CXADR: variants seen among roughly 807,000 people sequenced by gnomAD.
The protein encoded by CXADR is CXADR cell adhesion molecule.
In CXADR, 20 loss-of-function variants were observed where a neutral mutation model predicts 40.3. The ratio of observed to expected loss-of-function variants is 0.50; its 90% CI spans 0.35 to 0.72. CXADR has a LOEUF of 0.72. Among genes scored for constraint, CXADR ranks in the 30% least tolerant of loss-of-function variants. The pLI is 0.01. For synonymous variants in CXADR, 150 were observed against 161.3 expected (o/e 0.93, Z 0.53); for missense variants, 332 against 449.1 (o/e 0.74, Z 2.36).
chr21:17,597,365 A>C (rs2061517288), downstream of CXADR, among the ~76,000 whole-genome samples: 1 of 152,062 alleles, frequency 6.6e-6, no homozygotes, highest in Non-Finnish European at 1.5e-5. Context: ...CCTAATTTGC[A>C]ATATATAATC....
downstream of CXADR, among the ~76,000 whole-genome samples, chr21:17,570,930 C>T (rs902506117): frequency 1.3e-5 from 2 of 152,180 alleles, no homozygotes; most frequent in African/African-American, 2.4e-5. Context: ...AATTCTTTGT[C>T]GTAGGGGACT....
intron 7 of CXADR, among the ~76,000 whole-genome samples, chr21:17,578,778 C>T (rs780991906): frequency 5.9e-5 from 9 of 152,148 alleles, no homozygotes; most frequent in Non-Finnish European, 1.0e-4. Flanking sequence ...GCCATGATAG[C>T]GCCACTGCAC....
chr21:17,515,937 C>T (rs2060456874), intron 1 of CXADR, among the ~76,000 whole-genome samples: 1 of 152,224 alleles, frequency 6.6e-6, no homozygotes, highest in Non-Finnish European at 1.5e-5. Flanking sequence ...ATTCCTCCAG[C>T]TCTGAAACAG....
At chr21:17,521,206 G>A (rs2060526225) in intron 1 of CXADR, among the ~76,000 whole-genome samples, 1 of 152,212 alleles carries the variant, frequency 6.6e-6, no homozygotes, top group Non-Finnish European at 1.5e-5. Flanking sequence ...AGGTGTCCTA[G>A]AGAATGATGC....
At chr21:17,521,520 G>A (rs1014064390) in intron 1 of CXADR, among the ~76,000 whole-genome samples, 2 of 152,052 alleles carry the variant, frequency 1.3e-5, no homozygotes, top group South Asian at 2.1e-4. Context: ...ATGGGGCTTC[G>A]CCATGTTGGC....
At chr21:17,520,563 T>C (rs1203091756) in intron 1 of CXADR, among the ~76,000 whole-genome samples, 1 of 152,216 alleles carries the variant, frequency 6.6e-6, no homozygotes, top group Non-Finnish European at 1.5e-5. Flanking sequence ...AAGACATTTG[T>C]GGAAGTGTCG....
At chr21:17,514,647 T>G (rs1310132802) in intron 1 of CXADR, among the ~76,000 whole-genome samples, 1 of 152,014 alleles carries the variant, frequency 6.6e-6, no homozygotes, top group Non-Finnish European at 1.5e-5. Flanking sequence ...CTTTTTTTTT[T>G]TTTTAAATGG....
At chr21:17,618,579 C>T in the CXADR span, among the ~76,000 whole-genome samples, 4 of 152,022 alleles carry the variant, frequency 2.6e-5, no homozygotes, top group East Asian at 5.8e-4. Context: ...GCTCTGTCGC[C>T]CAGGCTGGAG....
chr21:17,597,259 CAATTT>C (rs1387815591), downstream of CXADR, among the ~76,000 whole-genome samples: 1 of 152,000 alleles, frequency 6.6e-6, no homozygotes, highest in African/African-American at 2.4e-5. Context: ...TAGCAGCAAT[CAATTT>C]AATTTGAGAC....
At chr21:17,522,837 A>T (rs1053465703) in intron 1 of CXADR, among the ~76,000 whole-genome samples, 1 of 152,076 alleles carries the variant, frequency 6.6e-6, no homozygotes, top group African/African-American at 2.4e-5. Context: ...AACTTTACCC[A>T]CATCAAAACC....
intron 2 of CXADR, among the ~76,000 whole-genome samples, chr21:17,548,780 T>C (rs2060930859): frequency 6.6e-6 from 1 of 152,164 alleles, no homozygotes; most frequent in Admixed American, 6.5e-5. Flanking sequence ...CCATGCTGAG[T>C]GAGAGGCACG....
chr21:17,614,811 A>G, the CXADR span, among the ~76,000 whole-genome samples: 2 of 152,212 alleles, frequency 1.3e-5, no homozygotes, highest in African/African-American at 2.4e-5. Context: ...TGTCTCTTAA[A>G]CACTTTTTCT....
the CXADR span, among the ~76,000 whole-genome samples, chr21:17,599,664 G>A: frequency 6.6e-6 from 1 of 152,156 alleles, no homozygotes; most frequent in Non-Finnish European, 1.5e-5. Context: ...ATTTTTAGTA[G>A]AGATGAGGTT....
At chr21:17,560,847 G>T in intron 5 of CXADR, 23 bp downstream of exon 5, 3 of 1,611,574 alleles carry the variant, frequency 1.9e-6, no homozygotes, top group Non-Finnish European at 2.5e-6. Context: ...CTTTCTGTTG[G>T]TGGTTTTGTT....
At chr21:17,621,710 A>G in the CXADR span, among the ~76,000 whole-genome samples, 1 of 152,148 alleles carries the variant, frequency 6.6e-6, no homozygotes, top group Non-Finnish European at 1.5e-5. Context: ...CCTCTTCTCT[A>G]GAGGACGCAT....
At chr21:17,577,467 T>C (rs1021901147) in intron 7 of CXADR, among the ~76,000 whole-genome samples, 10 of 152,250 alleles carry the variant, frequency 6.6e-5, no homozygotes, top group Non-Finnish European at 1.5e-4. Flanking sequence ...TTTAATTTTA[T>C]GTCATATGTA....
chr21:17,593,494 T>C lies in CXADR; in HGVS notation c.*301T>C, dbSNP rs1417374410. ...TTAACTTTTCATATGCATATTCTGA[T>C]ATGTGGTCTTTTAGGAAAAGTATGG... On this transcript the variant is annotated 3_prime_UTR_variant, in exon 8 of 8. Coordinates refer to the CXADR transcript ENST00000400169. 2.4e-5 allele frequency: 5 copies of C among 209,086 alleles called. No individual in the cohort carries two copies. In the East Asian group the frequency reaches 5.0e-4, roughly 21 times the overall value. 13.0% of individuals were successfully genotyped at this position (209,086 alleles called of 1,614,324 possible). A position where few individuals can be genotyped will look rare whatever the true frequency, so the allele number is the denominator to read the frequency against.
intron 1 of CXADR, among the ~76,000 whole-genome samples, chr21:17,530,085 A>C (rs2060651805): frequency 6.7e-6 from 1 of 148,230 alleles, no homozygotes; most frequent in South Asian, 2.1e-4. Context: ...AGTAGCTGGG[A>C]CTACAGGCGC....
the CXADR span, among the ~76,000 whole-genome samples, chr21:17,624,961 G>A: frequency 2.4e-4 from 36 of 151,998 alleles, no homozygotes; most frequent in Non-Finnish European, 7.4e-5. Flanking sequence ...CCCTTAACCT[G>A]CTTTTTGTTT....
Sources: allele counts gnomAD v4.1 joint callset (sites outside exome capture counted in the v4.1 genomes callset), GRCh38; gene constraint gnomAD v4.1.1; transcripts MANE v1.5; gene names NCBI Gene and HGNC (gene_info 2026-07-23, HGNC 2026-07-21).